CCSER1: variants seen among roughly 807,000 people sequenced by gnomAD.
The protein encoded by CCSER1 is serine-rich coiled-coil domain-containing protein 1.
Under a neutral mutation model 82.0 loss-of-function variants are expected in CCSER1, and 41 were observed. That is an observed-to-expected ratio of 0.50 (90% confidence interval 0.39 to 0.65). The LOEUF is 0.65. Among genes scored for constraint, CCSER1 ranks in the 30% least tolerant of loss-of-function variants. The pLI, the probability that CCSER1 is intolerant of heterozygous loss-of-function variation, is 0.00. For synonymous variants in CCSER1, 414 were observed against 383.9 expected (o/e 1.08, Z -0.92); for missense variants, 1,119 against 1,064.2 (o/e 1.05, Z -0.72).
At chr4:90,362,863 A>C (rs1042053889) in intron 3 of CCSER1, among the ~76,000 whole-genome samples, 1 of 152,218 alleles carries the variant, frequency 6.6e-6, no homozygotes, top group East Asian at 1.9e-4. Flanking sequence ...CAATAGTTTC[A>C]TACAAGGGAT....
chr4:90,217,038 G>A (rs541050143), intron 1 of CCSER1, among the ~76,000 whole-genome samples: 1 of 152,112 alleles, frequency 6.6e-6, no homozygotes, highest in Admixed American at 6.5e-5. Context: ...TAATTTTTTT[G>A]TGTGTTGCTG....
At chr4:90,933,843 T>A (rs1730588765) in intron 9 of CCSER1, among the ~76,000 whole-genome samples, 1 of 151,966 alleles carries the variant, frequency 6.6e-6, no homozygotes, top group Middle Eastern at 3.7e-3. Flanking sequence ...TGTTAATGAA[T>A]GCATTTTACT....
At chr4:91,462,821 G>A (rs1235774843) in intron 10 of CCSER1, among the ~76,000 whole-genome samples, 2 of 152,154 alleles carry the variant, frequency 1.3e-5, no homozygotes, top group South Asian at 2.1e-4. Flanking sequence ...AGGGGCGCCT[G>A]CAATTGCTGA....
chr4:91,511,155 A>C (rs895020721), intron 10 of CCSER1, among the ~76,000 whole-genome samples: 1 of 151,456 alleles, frequency 6.6e-6, no homozygotes, highest in African/African-American at 2.4e-5. Context: ...CTTTATTTCT[A>C]GTTTCTCTAT....
chr4:91,589,255 T>C (rs1165978297), intron 10 of CCSER1, among the ~76,000 whole-genome samples: 1 of 151,892 alleles, frequency 6.6e-6, no homozygotes, highest in African/African-American at 2.4e-5. Flanking sequence ...AAATTACTTG[T>C]AAGATAGAAT....
chr4:90,760,817 G>T (rs1016116397), intron 7 of CCSER1, among the ~76,000 whole-genome samples: 1 of 151,936 alleles, frequency 6.6e-6, no homozygotes, highest in Non-Finnish European at 1.5e-5. Flanking sequence ...AAACAAATAC[G>T]GCCAACAAAG....
At chr4:90,219,511 G>A (rs1042307415) in intron 1 of CCSER1, among the ~76,000 whole-genome samples, 5 of 151,960 alleles carry the variant, frequency 3.3e-5, no homozygotes, top group Non-Finnish European at 7.4e-5. Flanking sequence ...TATATATGTT[G>A]TCGCCTTCAA....
intron 10 of CCSER1, among the ~76,000 whole-genome samples, chr4:91,438,076 C>T (rs1754799483): frequency 6.6e-6 from 1 of 152,056 alleles, no homozygotes; most frequent in South Asian, 2.1e-4. Flanking sequence ...AAAAAGACAG[C>T]AGTAACCTCT....
intron 4 of CCSER1, among the ~76,000 whole-genome samples, chr4:90,429,046 G>A (rs1337141112): frequency 6.6e-6 from 1 of 151,598 alleles, no homozygotes; most frequent in East Asian, 1.9e-4. Context: ...ACTATTGCAA[G>A]ATGTTAATAT....
chr4:90,605,665 C>A (rs1425122823), intron 5 of CCSER1, among the ~76,000 whole-genome samples: 1 of 152,092 alleles, frequency 6.6e-6, no homozygotes, highest in Non-Finnish European at 1.5e-5. Context: ...AGCTTAAAAC[C>A]CTTGGTGATG....
At chr4:90,377,667 A>G (rs1451925512) in intron 3 of CCSER1, among the ~76,000 whole-genome samples, 1 of 152,162 alleles carries the variant, frequency 6.6e-6, no homozygotes, top group Non-Finnish European at 1.5e-5. Context: ...AAATATTACT[A>G]AAATTGTATT....
At chr4:91,027,377 C>CT (rs1371538693) in intron 9 of CCSER1, among the ~76,000 whole-genome samples, 1 of 149,496 alleles carries the variant, frequency 6.7e-6, no homozygotes, top group Non-Finnish European at 1.5e-5. Flanking sequence ...TTTTTTTTTA[C>CT]TTTTTTCATT....
chr4:91,076,412 A>G (rs143374863), intron 9 of CCSER1, among the ~76,000 whole-genome samples: 1 of 152,008 alleles, frequency 6.6e-6, no homozygotes, highest in African/African-American at 2.4e-5. Context: ...TGATTCATAC[A>G]TGAGTTTCAT....
intron 9 of CCSER1, among the ~76,000 whole-genome samples, chr4:90,980,201 C>T (rs17017851): frequency 0.026 from 3,911 of 151,910 alleles, 147 homozygotes; most frequent in African/African-American, 0.085. Context: ...AGGCCTGGCA[C>T]ACAGGTTCCA....
intron 3 of CCSER1, among the ~76,000 whole-genome samples, chr4:90,358,290 C>A (rs1216581960): frequency 6.6e-6 from 1 of 152,040 alleles, no homozygotes; most frequent in East Asian, 1.9e-4. Flanking sequence ...GTTACACATT[C>A]CATGTAGTCA....
chr4:91,334,952 G>A (rs559148594), intron 10 of CCSER1, among the ~76,000 whole-genome samples: 3 of 152,166 alleles, frequency 2.0e-5, no homozygotes, highest in African/African-American at 7.2e-5. Flanking sequence ...GTGTTTGTGT[G>A]TTGAATTCTG....
chr4:90,292,090 T>G (rs1731039465), intron 1 of CCSER1, among the ~76,000 whole-genome samples: 1 of 151,914 alleles, frequency 6.6e-6, no homozygotes, highest in Non-Finnish European at 1.5e-5. Flanking sequence ...GAAGGCAAAC[T>G]TGTCATCACA....
intron 6 of CCSER1, among the ~76,000 whole-genome samples, chr4:90,630,914 G>C (rs974568496): frequency 4.0e-5 from 5 of 125,026 alleles, no homozygotes; most frequent in Admixed American, 2.7e-4. Context: ...TATTATTTGA[G>C]ATGGAGTCTC....
At chr4:91,105,636 G>A (rs1725538044) in intron 10 of CCSER1, among the ~76,000 whole-genome samples, 1 of 152,000 alleles carries the variant, frequency 6.6e-6, no homozygotes, top group Non-Finnish European at 1.5e-5. Flanking sequence ...CCTGGGAGGA[G>A]GAAGTTGCAG....
Sources: allele counts gnomAD v4.1 joint callset (sites outside exome capture counted in the v4.1 genomes callset), GRCh38; gene constraint gnomAD v4.1.1; transcripts MANE v1.5; gene names NCBI Gene and HGNC (gene_info 2026-07-23, HGNC 2026-07-21).